Variants in TVP23A observed in about 807,000 individuals in gnomAD.
The protein encoded by TVP23A is Golgi apparatus membrane protein TVP23 homolog A.
In TVP23A, 21 loss-of-function variants were observed where a neutral mutation model predicts 31.7. The ratio of observed to expected loss-of-function variants is 0.66; its 90% CI spans 0.47 to 0.95. TVP23A has a LOEUF of 0.95. TVP23A is among the 40% of genes least tolerant of loss of function. TVP23A has a pLI of 0.00. For missense variants in TVP23A, 279 were observed against 255.6 expected (o/e 1.09, Z -0.62); for synonymous variants, 104 against 96.0 (o/e 1.08, Z -0.49).
exon 9 of TVP23A, chr16:10,761,535 CG>C: frequency 7.3e-7 from 1 of 1,374,812 alleles, no homozygotes; most frequent in South Asian, 1.2e-5. Flanking sequence ...AGGAAACGAT[CG>C]GAAGGCTGCT....
intron 2 of TVP23A, among the ~76,000 whole-genome samples, chr16:10,793,700 G>C (rs1033939619): frequency 6.6e-6 from 1 of 151,746 alleles, no homozygotes; most frequent in Admixed American, 6.6e-5. Context: ...TTTGAGACCA[G>C]CTTGGGAAAC....
Position 10,818,604 on chromosome 16 carries a change from C to G in TVP23A, c.-111G>C, listed in dbSNP as rs1353765762. 7.2e-7 allele frequency: 1 copy of G among 1,395,954 alleles called. No homozygotes were observed. Among genetic ancestry groups the G allele is most frequent in the East Asian group, 2.6e-5 (1 of 38,054 alleles). The allele number at this position is 1,395,954 out of a possible 1,614,324, so 86.5% of individuals were successfully genotyped here. ...GGATGTAGGCAGCAGACGGTGGACG[C>G]TGAGGGTCGGGGCCTGCGCCCTGTG... On this transcript the variant is annotated 5_prime_UTR_variant, in exon 1 of 8. Coordinates refer to ENST00000299866, the MANE Select transcript of TVP23A (RefSeq NM_001079512.4). The surrounding 1 kb of genome is among the most constrained non-coding windows in gnomAD (Gnocchi z 4.7).
downstream of TVP23A, chr16:10,762,008 C>A (rs2142759750): frequency 4.9e-6 from 3 of 606,218 alleles, no homozygotes; most frequent in East Asian, 2.8e-5. Flanking sequence ...CCAGCTGGCA[C>A]CCCAAGAGGC....
intron 2 of TVP23A, among the ~76,000 whole-genome samples, chr16:10,801,189 A>G (rs1358814636): frequency 1.3e-5 from 2 of 152,202 alleles, no homozygotes; most frequent in South Asian, 2.1e-4. Context: ...GTGGATGACG[A>G]AAGAAAAAAA....
At chr16:10,815,574 T>C (rs1393629267) in intron 2 of TVP23A, among the ~76,000 whole-genome samples, 2 of 152,218 alleles carry the variant, frequency 1.3e-5, no homozygotes, top group Non-Finnish European at 2.9e-5. Flanking sequence ...GCTACTGGCA[T>C]CTGGTGAATA....
At chr16:10,776,699 G>A (rs2032047686) in intron 2 of TVP23A, among the ~76,000 whole-genome samples, 1 of 152,194 alleles carries the variant, frequency 6.6e-6, no homozygotes, top group Non-Finnish European at 1.5e-5. Context: ...GGAAAGTAAA[G>A]GAATAAAGAA....
At chr16:10,808,602 G>A (rs373067421) in intron 2 of TVP23A, 43 of 451,892 alleles carry the variant, frequency 9.5e-5, no homozygotes, top group South Asian at 4.5e-4. Context: ...TTTGAGACCC[G>A]GTCTCTACAA....
At position 10,818,659 on chromosome 16, in the gene TVP23A, G is replaced by A; in HGVS notation, c.-166C>T. ...AGCCTCAGCGCAGCTTCTCGGGTGGGGCGGGGCGCTCGGGGCCTAAGGCGC... is the reference window on the plus strand; with the variant it reads ...AGCCTCAGCGCAGCTTCTCGGGTGGAGCGGGGCGCTCGGGGCCTAAGGCGC... On this transcript the variant is annotated 5_prime_UTR_variant, in exon 1 of 8. Transcript: ENST00000299866. This position sits in a 1 kb window ranked among gnomAD's most constrained non-coding sequence, Gnocchi z 4.7. The A allele has an allele frequency of 1.2e-6, 1 of 825,736 alleles. No individual in the cohort carries two copies. Among genetic ancestry groups the A allele is most frequent in the Non-Finnish European group, 1.7e-6 (1 of 574,614 alleles). The allele number at this position is 825,736 out of a possible 1,614,324, so 51.2% of individuals were successfully genotyped here.
intron 2 of TVP23A, among the ~76,000 whole-genome samples, chr16:10,784,883 C>T (rs2032652939): frequency 1.3e-5 from 2 of 152,080 alleles, no homozygotes; most frequent in East Asian, 1.9e-4. Flanking sequence ...AGTGGATCAC[C>T]TGAGGTCAGG....
chr16:10,784,560 C>CAAA (rs372829313), intron 2 of TVP23A, among the ~76,000 whole-genome samples: 6 of 140,174 alleles, frequency 4.3e-5, no homozygotes, highest in African/African-American at 1.7e-4. Flanking sequence ...GACCTTGTCT[C>CAAA]AAAAAAAATA....
chr16:10,785,500 C>T (rs1229186862), intron 2 of TVP23A, among the ~76,000 whole-genome samples: 1 of 152,216 alleles, frequency 6.6e-6, no homozygotes, highest in East Asian at 1.9e-4. Flanking sequence ...GCACAAACAT[C>T]ACTGTCCCAC....
In TVP23A at chr16:10,768,273, A is replaced by C. The variant is rs766902494; in HGVS notation, c.*829T>G. ...ATGGCTTAGGAAATACATCCCAATA[A>C]AGGGATAAAGTAATTCATTTTTAAA... On this transcript the variant is annotated 3_prime_UTR_variant, in exon 8 of 8. Transcript: ENST00000299866. The surrounding 1 kb of genome is among the most constrained non-coding windows in gnomAD (Gnocchi z 4.3). The C allele has an allele frequency of 7.0e-5, 25 of 358,970 alleles. No individual in the cohort carries two copies. The highest frequency in any genetic ancestry group is 6.4e-5 in the African/African-American group (3 of 47,014). The allele number at this position is 358,970 out of a possible 1,614,324, so 22.2% of individuals were successfully genotyped here.
At position 10,818,234 on chromosome 16, in the gene TVP23A, A is replaced by ACCCCCCCCCC; in HGVS notation, c.10-53_10-52insGGGGGGGGGG. Reference sequence around the variant, plus strand: ...AGGCCCAAGCACGGCGCACACCCCAACCCCACCCGCCCTGTCCTCCTGGGC... The same window carrying ACCCCCCCCCC: ...AGGCCCAAGCACGGCGCACACCCCAACCCCCCCCCCCCCCACCCGCCCTGTCCTCCTGGGC... On this transcript the variant is annotated intron_variant, in intron 1 of 7. Transcript: ENST00000299866. The surrounding 1 kb of genome is among the most constrained non-coding windows in gnomAD (Gnocchi z 4.7). 7.3e-7 allele frequency: 1 copy of ACCCCCCCCCC among 1,376,172 alleles called. No individual in the cohort carries two copies. The highest frequency in any genetic ancestry group is 1.0e-6 in the Non-Finnish European group (1 of 1,003,872). 85.2% of individuals were successfully genotyped at this position (1,376,172 alleles called of 1,614,324 possible). A position where few individuals can be genotyped will look rare whatever the true frequency, so the allele number is the denominator to read the frequency against.
intron 2 of TVP23A, among the ~76,000 whole-genome samples, chr16:10,787,600 A>G (rs930388640): frequency 6.6e-6 from 1 of 152,134 alleles, no homozygotes; most frequent in Non-Finnish European, 1.5e-5. Flanking sequence ...GGTCCAACCA[A>G]TCTGTGGGCT....
At position 10,767,802 on chromosome 16, in the gene TVP23A, A is replaced by G. The variant is rs1038003528; in HGVS notation, c.*1300T>C. The G allele has an allele frequency of 8.7e-6, 6 of 688,918 alleles. No individual in the cohort carries two copies. Among genetic ancestry groups the G allele is most frequent in the Middle Eastern group, 4.9e-4 (2 of 4,074 alleles). 42.7% of individuals were successfully genotyped at this position (688,918 alleles called of 1,614,324 possible). On this transcript the variant is annotated 3_prime_UTR_variant, in exon 8 of 8. Coordinates refer to ENST00000299866, the MANE Select transcript of TVP23A (RefSeq NM_001079512.4). The surrounding 1 kb of genome is among the most constrained non-coding windows in gnomAD (Gnocchi z 4.6). ...CTGGAAGGAAGGTCCCTGAGACCCC[A>G]CTGGTCTTTTCTACTTTGTTCTTCA...
chr16:10,765,125 T>C (rs902374665), downstream of TVP23A: 10 of 153,530 alleles, frequency 6.5e-5, no homozygotes, highest in Non-Finnish European at 1.5e-4. This position sits in a 1 kb window ranked among gnomAD's most constrained non-coding sequence, Gnocchi z 4.0. Flanking sequence ...GCATGGCAGC[T>C]GCTGCCAGAG....
intron 2 of TVP23A, among the ~76,000 whole-genome samples, chr16:10,790,291 T>G (rs2033028966): frequency 6.8e-6 from 1 of 148,126 alleles, no homozygotes; most frequent in African/African-American, 2.5e-5. Context: ...TTTTTTTTTT[T>G]TTTTTTTTTT....
chr16:10,773,936 G>A (rs1033830204), intron 4 of TVP23A, 103 bp downstream of exon 4: 2 of 917,740 alleles, frequency 2.2e-6, no homozygotes, highest in East Asian at 2.7e-5. Flanking sequence ...TGGCTTTTGT[G>A]TAAGGCAGGA....
chr16:10,776,938 G>A (rs2032066433), intron 2 of TVP23A, among the ~76,000 whole-genome samples: 1 of 152,128 alleles, frequency 6.6e-6, no homozygotes, highest in Non-Finnish European at 1.5e-5. Flanking sequence ...TGGTTTTGGT[G>A]GGTTTTAGCC....
Sources: gnomAD v4.1 joint callset for allele counts (sites outside exome capture counted in the v4.1 genomes callset) on GRCh38, gnomAD v4.1.1 for gene constraint, Gnocchi (gnomAD v3.1) non-coding constraint, MANE v1.5 for transcripts, NCBI Gene and HGNC (gene_info 2026-07-23, HGNC 2026-07-21) for gene names.